Variants in FRMPD2 observed in about 807,000 individuals in gnomAD.
FRMPD2 encodes FERM and PDZ domain-containing protein 2.
A neutral mutation model predicts 140.1 loss-of-function variants in FRMPD2; 96 were observed. The ratio of observed to expected loss-of-function variants is 0.69; its 90% CI spans 0.58 to 0.81. The LOEUF (loss-of-function observed/expected upper bound fraction) is 0.81. Ranked by LOEUF, FRMPD2 falls within the 40% of genes least tolerant of loss-of-function variation. FRMPD2 has a pLI of 0.00. For synonymous variants in FRMPD2, 449 were observed against 547.6 expected (o/e 0.82, Z 2.52); for missense variants, 1,240 against 1,447.4 (o/e 0.86, Z 2.32).
intron 24 of FRMPD2, among the ~76,000 whole-genome samples, chr10:48,173,967 G>A (rs1379515304): frequency 6.6e-6 from 1 of 152,284 alleles, no homozygotes; most frequent in Non-Finnish European, 1.5e-5. Context: ...TAAGCTGCCA[G>A]GAGGCCAGCC....
In FRMPD2 at chr10:48,186,500, A is replaced by C. The variant is rs552744602; in HGVS notation, c.2266+692T>G. On this transcript the variant is annotated intron_variant, in intron 17 of 28. Coordinates refer to ENST00000374201, the MANE Select transcript of FRMPD2 (RefSeq NM_001018071.4). Reference sequence around the variant, plus strand: ...CATGCTATTCTCGTGATAGTGAATAAGTCTCACGAGATCTGATGGGTTTAT... The same window carrying C: ...CATGCTATTCTCGTGATAGTGAATACGTCTCACGAGATCTGATGGGTTTAT... Among the ~76,000 whole-genome samples the C allele has an allele frequency of 7.9e-5, 12 of 152,314 alleles. No individual in the cohort carries two copies. The East Asian group carries it at 2.3e-3, about 29-fold the overall frequency.
Position 48,212,082 on chromosome 10 carries a change from C to G in FRMPD2, c.1483G>C (p.Val495Leu). ...AGACTCGCTGGGATGTAATCTTCAA[C>G]GTGAAAGTATGGCTTACTCTCCACC... Reference protein sequence around the residue: ...EQVESKPYFHVEDYIPASLIE... With the variant: ...EQVESKPYFHLEDYIPASLIE... The change falls in exon 13 of 29, where the codon GTT becomes CTT. Residue 495 changes from valine to leucine, a missense_variant. Transcript: ENST00000374201. 2 of 1,613,980 alleles carry G rather than the reference C, an allele frequency of 1.2e-6. No homozygotes were observed. Among genetic ancestry groups the G allele is most frequent in the Non-Finnish European group, 1.7e-6 (2 of 1,179,964 alleles).
At chr10:48,186,777 T>C (rs1022138196) in intron 17 of FRMPD2, among the ~76,000 whole-genome samples, 7 of 152,248 alleles carry the variant, frequency 4.6e-5, no homozygotes, top group Non-Finnish European at 1.0e-4. Context: ...GATCTCTTTG[T>C]CCTCACATTC....
chr10:48,238,001 C>G lies in FRMPD2; in HGVS notation c.911G>C (p.Arg304Thr). 1 of 1,614,214 alleles carries G rather than the reference C, an allele frequency of 6.2e-7. No individual in the cohort carries two copies. The highest frequency in any genetic ancestry group is 8.5e-7 in the Non-Finnish European group (1 of 1,180,044). ...TTPSQRGFLQRRSKFSRPEFI... is the reference protein window; with the variant it reads ...TTPSQRGFLQTRSKFSRPEFI... Reference sequence around the variant, plus strand: ...CCTTATTTTGCTTACCTTGCTCCTTCTTTGCAGAAAACCCCTCTGAGAAGG... The same window carrying G: ...CCTTATTTTGCTTACCTTGCTCCTTGTTTGCAGAAAACCCCTCTGAGAAGG... Residue 304 changes from arginine (R) to threonine (T), a missense_variant, in exon 8 of 29, where the codon AGA becomes ACA. By Grantham distance (71) the Arg-to-Thr change is moderately conservative. Transcript: ENST00000374201.
chr10:48,200,681 T>C (rs1839065441), intron 15 of FRMPD2, among the ~76,000 whole-genome samples: 1 of 152,244 alleles, frequency 6.6e-6, no homozygotes, highest in Non-Finnish European at 1.5e-5. Context: ...CGGTGCTAGC[T>C]AGATACAGTC....
chr10:48,196,979 C>T (rs934849747), intron 15 of FRMPD2, among the ~76,000 whole-genome samples: 8 of 152,178 alleles, frequency 5.3e-5, no homozygotes, highest in Admixed American at 1.3e-4. Context: ...GTGTTTCACA[C>T]ACTGTTCTCA....
At chr10:48,184,066 C>CA (rs1299257046) in intron 20 of FRMPD2, among the ~76,000 whole-genome samples, 1 of 151,978 alleles carries the variant, frequency 6.6e-6, no homozygotes, top group Non-Finnish European at 1.5e-5. Flanking sequence ...CCCTGTGACA[C>CA]GAGTTTGCCT....
intron 14 of FRMPD2, among the ~76,000 whole-genome samples, chr10:48,203,247 G>A (rs1839130136): frequency 6.6e-6 from 1 of 152,124 alleles, no homozygotes; most frequent in Non-Finnish European, 1.5e-5. Flanking sequence ...AGATGCCAGT[G>A]CTCCAAGGTA....
At chr10:48,216,463 G>C (rs917938396) in intron 12 of FRMPD2, among the ~76,000 whole-genome samples, 4 of 152,178 alleles carry the variant, frequency 2.6e-5, no homozygotes, top group Non-Finnish European at 5.9e-5. Context: ...GTCTGAGTAA[G>C]AGACTATTAC....
At chr10:48,204,500 C>G (rs1762325425) in intron 14 of FRMPD2, among the ~76,000 whole-genome samples, 1 of 152,112 alleles carries the variant, frequency 6.6e-6, no homozygotes, top group South Asian at 2.1e-4. Flanking sequence ...TCTATCCTCT[C>G]TAGAGAAAAT....
intron 15 of FRMPD2, among the ~76,000 whole-genome samples, chr10:48,198,957 G>A (rs1053903258): frequency 6.6e-6 from 1 of 152,148 alleles, no homozygotes; most frequent in African/African-American, 2.4e-5. Context: ...GATTGAGCTG[G>A]AAGCCATAAT....
Position 48,244,816 on chromosome 10 carries a change from A to T in FRMPD2, c.343T>A (p.Trp115Arg). 6.2e-7 allele frequency: 1 copy of T among 1,613,600 alleles called. No individual in the cohort carries two copies. Among genetic ancestry groups the T allele is most frequent in the Admixed American group, 1.7e-5 (1 of 60,034 alleles). Residue 115 changes from tryptophan to arginine, a missense_variant, in exon 4 of 29, where the codon TGG becomes AGG. Transcript: ENST00000374201. ...GGCGGAACATGAAACCCTGCTGACC[A>T]GTAGAGGGTCATTCCTAAAGAATAG... ...HVYSLGMTLY[W>R]SAGFHVPPHQ...
At chr10:48,243,287 T>C (rs1344569771) in intron 4 of FRMPD2, among the ~76,000 whole-genome samples, 2 of 152,082 alleles carry the variant, frequency 1.3e-5, no homozygotes, top group Admixed American at 1.3e-4. Flanking sequence ...ATGGCACTAA[T>C]GTAGAGGAAG....
rs1182500983 is a variant in FRMPD2, at chr10:48,223,236, T to C, written c.1203A>G (p.Arg401=). The C allele has an allele frequency of 3.1e-6, 5 of 1,613,712 alleles. No individual in the cohort carries two copies. In the African/African-American group the frequency reaches 4.0e-5, roughly 13 times the overall value. ...AGCCTTCAGGAGCTATTTTGCACAA[T>C]CTGGTTTCACTGTCCAGGAAAAAGA... The part of the protein sequence containing the change: ...KEFFFLDSET[R]LCKIAPEGWR... Residue 401 remains arginine (R), a synonymous_variant, in exon 11 of 29, where the codon AGA becomes AGG. Coordinates refer to ENST00000374201, the MANE Select transcript of FRMPD2 (RefSeq NM_001018071.4).
At chr10:48,256,896 G>A (rs922621004) in intron 1 of FRMPD2, among the ~76,000 whole-genome samples, 1 of 152,146 alleles carries the variant, frequency 6.6e-6, no homozygotes, top group Non-Finnish European at 1.5e-5. Context: ...GCCCTGTATG[G>A]TTTCCTGTGC....
intron 14 of FRMPD2, among the ~76,000 whole-genome samples, chr10:48,206,392 C>G (rs915430813): frequency 3.9e-5 from 6 of 152,140 alleles, no homozygotes; most frequent in African/African-American, 1.4e-4. Flanking sequence ...ACACTCTCAA[C>G]CCCCATCTCC....
chr10:48,236,491 T>C lies in FRMPD2; in HGVS notation c.984A>G (p.Gly328=). The change falls in exon 9 of 29, where the codon GGA becomes GGG. Residue 328 remains glycine, a synonymous_variant. Coordinates refer to ENST00000374201, the MANE Select transcript of FRMPD2 (RefSeq NM_001018071.4). ...CTAGCCCAGTAGTTACCACAACCGA[T>C]CCCGGCAGATGTAGTGTCATCGGGG... The part of the protein sequence containing the change: ...GEAPMTLHLP[G]SVVTKKGKSY... 6.2e-7 allele frequency: 1 copy of C among 1,614,116 alleles called. No homozygotes were observed. The highest frequency in any genetic ancestry group is 8.5e-7 in the Non-Finnish European group (1 of 1,180,002).
At chr10:48,245,583 T>C (rs1433403518) in intron 3 of FRMPD2, among the ~76,000 whole-genome samples, 2 of 152,254 alleles carry the variant, frequency 1.3e-5, no homozygotes, top group African/African-American at 4.8e-5. Flanking sequence ...ACTATTATTA[T>C]TGTTACCATT....
At chr10:48,159,845 A>G (rs530884213) in intron 28 of FRMPD2, among the ~76,000 whole-genome samples, 3 of 151,824 alleles carry the variant, frequency 2.0e-5, no homozygotes, top group South Asian at 2.1e-4. Flanking sequence ...TTTCCAACCG[A>G]TAAGTGTAAG....
Sources: gnomAD v4.1 joint callset for allele counts (sites outside exome capture counted in the v4.1 genomes callset) on GRCh38, gnomAD v4.1.1 for gene constraint, MANE v1.5 for transcripts, NCBI Gene and HGNC (gene_info 2026-07-23, HGNC 2026-07-21) for gene names.